DMXL1: variants seen among roughly 807,000 people sequenced by gnomAD.
DMXL1 encodes the protein Dmx like 1.
A neutral mutation model predicts 319.2 loss-of-function variants in DMXL1; 99 were observed. The ratio of observed to expected loss-of-function variants is 0.31; its 90% CI spans 0.26 to 0.37. The LOEUF (loss-of-function observed/expected upper bound fraction) is 0.37. Ranked by LOEUF, DMXL1 falls within the 10% of genes least tolerant of loss-of-function variation. DMXL1 has a pLI of 1.00. For missense variants in DMXL1, 3,745 were observed against 3,595.6 expected (o/e 1.04, Z -1.06); for synonymous variants, 1,385 against 1,235.2 (o/e 1.12, Z -2.54).
Position 119,101,666 on chromosome 5 carries a change from A to T in DMXL1, c.214-269A>T, listed in dbSNP as rs761843951. Among the ~76,000 whole-genome samples the T allele has an allele frequency of 3.4e-4, 52 of 152,318 alleles. No homozygotes were observed. Among genetic ancestry groups the T allele is most frequent in the African/African-American group, 1.1e-3 (44 of 41,578 alleles). ...TTTACAAATGTTATTTCAACCCTCAATGCTGTTAGGAAGGTAGTGTTGTAC... is the reference window on the plus strand; with the variant it reads ...TTTACAAATGTTATTTCAACCCTCATTGCTGTTAGGAAGGTAGTGTTGTAC... On this transcript the variant is annotated intron_variant, in intron 2 of 43. Transcript: ENST00000539542.
At chr5:119,155,798 G>C (rs1770890733) in intron 19 of DMXL1, among the ~76,000 whole-genome samples, 2 of 143,894 alleles carry the variant, frequency 1.4e-5, no homozygotes, top group African/African-American at 2.6e-5. Context: ...CTGCACTCCA[G>C]CCTGGGCAAC....
At chr5:119,141,891 A>G (rs978673133) in intron 13 of DMXL1, among the ~76,000 whole-genome samples, 1 of 152,220 alleles carries the variant, frequency 6.6e-6, no homozygotes, top group African/African-American at 2.4e-5. Flanking sequence ...TAGCCAAAAC[A>G]GCATAGTAGT....
intron 43 of DMXL1, 79 bp from the exon 44 acceptor site, chr5:119,246,916 A>G: frequency 9.3e-7 from 1 of 1,070,044 alleles, no homozygotes; most frequent in Middle Eastern, 2.5e-4. Flanking sequence ...TACAGGCATG[A>G]GCCACCGCAC....
intron 1 of DMXL1, among the ~76,000 whole-genome samples, chr5:119,094,236 C>G (rs2149761134): frequency 6.6e-6 from 1 of 152,332 alleles, no homozygotes; most frequent in South Asian, 2.1e-4. Context: ...CAGGCTGACT[C>G]TTGTTAGGGG....
intron 37 of DMXL1, among the ~76,000 whole-genome samples, chr5:119,224,253 GTGTT>G (rs1335075303): frequency 1.3e-5 from 2 of 152,048 alleles, no homozygotes; most frequent in East Asian, 1.9e-4. Flanking sequence ...TTAATTTTAT[GTGTT>G]TGTTTTACTC....
At chr5:119,105,105 A>T in intron 3 of DMXL1, 75 bp from the exon 4 acceptor site, 3 of 938,028 alleles carry the variant, frequency 3.2e-6, no homozygotes, top group South Asian at 2.8e-5. Flanking sequence ...TGTAAGAATA[A>T]CAAGCATAAA....
chr5:119,172,960 TTG>T (rs1246338975), intron 25 of DMXL1, among the ~76,000 whole-genome samples: 1 of 152,212 alleles, frequency 6.6e-6, no homozygotes, highest in Non-Finnish European at 1.5e-5. Context: ...TTCTTTCAGA[TTG>T]TGCTCATTTT....
rs1050499949 is a variant in DMXL1, at chr5:119,125,026, T to A, written c.1102+3887T>A. 3.3e-5 allele frequency among the ~76,000 whole-genome samples: 5 copies of A among 152,352 alleles called. No individual in the cohort carries two copies. In the East Asian group the frequency reaches 5.8e-4, roughly 18 times the overall value. On this transcript the variant is annotated intron_variant, in intron 9 of 43. Transcript: ENST00000539542. ...TTATGGTTAAATAAATTATACTGTA[T>A]GACCTAGGACATATAATTTAATCTC...
At chr5:119,153,121 C>T (rs1167794686) in intron 19 of DMXL1, among the ~76,000 whole-genome samples, 11 of 152,022 alleles carry the variant, frequency 7.2e-5, no homozygotes, top group South Asian at 4.1e-4. Flanking sequence ...GGACTACAGG[C>T]GCACACCACC....
intron 1 of DMXL1, among the ~76,000 whole-genome samples, chr5:119,073,783 C>T (rs1427227662): frequency 6.6e-6 from 1 of 152,092 alleles, no homozygotes; most frequent in African/African-American, 2.4e-5. Flanking sequence ...CCTGTTCATC[C>T]TTGACTCTTT....
chr5:119,125,421 A>G (rs1763304191), intron 9 of DMXL1, among the ~76,000 whole-genome samples: 2 of 152,216 alleles, frequency 1.3e-5, no homozygotes, highest in Admixed American at 6.5e-5. Context: ...ACCATAAGAA[A>G]GGTGCTATAT....
intron 34 of DMXL1, among the ~76,000 whole-genome samples, chr5:119,216,495 TG>T (rs1224698915): frequency 2.6e-5 from 4 of 152,222 alleles, no homozygotes; most frequent in African/African-American, 9.6e-5. Flanking sequence ...TGACCCTTTG[TG>T]GTCTGCAAAA....
intron 19 of DMXL1, among the ~76,000 whole-genome samples, chr5:119,157,246 G>GCCC (rs1367842304): frequency 2.6e-5 from 4 of 152,300 alleles, no homozygotes; most frequent in African/African-American, 9.6e-5. Context: ...TATACAGATT[G>GCCC]CAGATATTAT....
chr5:119,196,303 A>G, intron 30 of DMXL1, 68 bp from the exon 31 acceptor site: 2 of 1,226,438 alleles, frequency 1.6e-6, no homozygotes, highest in Non-Finnish European at 2.4e-6. Flanking sequence ...TTGTTGAGTC[A>G]AAGGGTAGTA....
chr5:119,114,626 A>G (rs1760418041), intron 6 of DMXL1, 85 bp downstream of exon 6: 3 of 906,628 alleles, frequency 3.3e-6, no homozygotes, highest in South Asian at 3.2e-5. Flanking sequence ...TCATTCTTTT[A>G]TTTATTTAAC....
chr5:119,149,928 T>G lies in DMXL1; in HGVS notation c.4101T>G (p.His1367Gln). 6.2e-7 allele frequency: 1 copy of G among 1,613,920 alleles called. No individual in the cohort carries two copies. The highest frequency in any genetic ancestry group is 8.5e-7 in the Non-Finnish European group (1 of 1,179,930). Residue 1367 changes from histidine (H) to glutamine (Q), a missense_variant, in exon 18 of 44, where the codon CAT (histidine) becomes CAG (glutamine). Transcript: ENST00000539542. Reference protein sequence around the residue: ...VVALNEAESNHERRLRSLTIS... With the variant: ...VVALNEAESNQERRLRSLTIS... ...CTCTGAATGAAGCTGAATCTAATCATGAACGCCGCCTTAGGTCTCTCACAA... is the reference window on the plus strand; with the variant it reads ...CTCTGAATGAAGCTGAATCTAATCAGGAACGCCGCCTTAGGTCTCTCACAA...
chr5:119,169,337 G>A (rs770412519), intron 23 of DMXL1, among the ~76,000 whole-genome samples: 9 of 152,194 alleles, frequency 5.9e-5, no homozygotes, highest in Admixed American at 1.3e-4. Flanking sequence ...GATTGGAATG[G>A]AGGCAGAGAG....
At chr5:119,171,352 G>T in intron 24 of DMXL1, 72 bp downstream of exon 24, 1 of 1,426,638 alleles carries the variant, frequency 7.0e-7, no homozygotes, top group East Asian at 2.3e-5. Context: ...TTTTGGTTTT[G>T]AATACTAAGA....
At chr5:119,238,868 A>C (rs1258623310) in intron 40 of DMXL1, 121 bp from the exon 41 acceptor site, 4 of 1,458,436 alleles carry the variant, frequency 2.7e-6, no homozygotes, top group Non-Finnish European at 3.6e-6. Flanking sequence ...TCAAAGGAAA[A>C]AAACGATACA....
Sources: allele counts gnomAD v4.1 joint callset (sites outside exome capture counted in the v4.1 genomes callset), GRCh38; gene constraint gnomAD v4.1.1; transcripts MANE v1.5; gene names NCBI Gene and HGNC (gene_info 2026-07-23, HGNC 2026-07-21).